CDHR2: variants seen among roughly 807,000 people sequenced by gnomAD.
The protein encoded by CDHR2 is cadherin-related family member 2.
In CDHR2, 104 loss-of-function variants were observed where a neutral mutation model predicts 138.6. The observed-to-expected ratio is 0.75, with a 90% CI of 0.64 to 0.88. CDHR2 has a LOEUF of 0.88. CDHR2 is among the 40% of genes least tolerant of loss of function. CDHR2 has a pLI of 0.00. For synonymous variants in CDHR2, 755 were observed against 742.8 expected (o/e 1.02, Z -0.27); for missense variants, 1,624 against 1,727.6 (o/e 0.94, Z 1.06).
At chr5:176,548,051 C>T (rs932186745), upstream of CDHR2, among the ~76,000 whole-genome samples, 15 of 152,284 alleles carry the variant, frequency 9.9e-5, no homozygotes, top group African/African-American at 3.1e-4. Context: ...TCTATACCAC[C>T]GCCTGTGCTC....
intron 1 of CDHR2, among the ~76,000 whole-genome samples, chr5:176,563,777 G>A (rs1390314341): frequency 6.6e-6 from 1 of 152,194 alleles, no homozygotes; most frequent in Non-Finnish European, 1.5e-5. Context: ...GCCACAAGTG[G>A]GGCCGTTTAG....
Position 176,581,608 on chromosome 5 carries a change from G to C in CDHR2, c.2058+26G>C, listed in dbSNP as rs755751105. ...GTAAGGCCTCGCTTAGCCAGGATGG[G>C]CCTGGGGGCCTCCCAAGCCGATAGC... On this transcript the variant is annotated intron_variant, in intron 17 of 31. Coordinates refer to ENST00000261944, the MANE Select transcript of CDHR2 (RefSeq NM_017675.6). 8.7e-6 allele frequency: 14 copies of C among 1,600,246 alleles called. No individual in the cohort carries two copies. The South Asian group carries it at 1.2e-4, about 14-fold the overall frequency.
chr5:176,551,487 CTTTAT>C (rs768198660), intron 1 of CDHR2, among the ~76,000 whole-genome samples: 1 of 151,866 alleles, frequency 6.6e-6, no homozygotes, highest in Non-Finnish European at 1.5e-5. Flanking sequence ...TTTTAAATTA[CTTTAT>C]TTTATTTTTA....
rs1758527864 is a variant in CDHR2 at position 176,581,456 on chromosome 5, C to A, written c.1932C>A (p.Asn644Lys). 6.2e-7 allele frequency: 1 copy of A among 1,614,090 alleles called. No homozygotes were observed. Among genetic ancestry groups the A allele is most frequent in the Admixed American group, 1.7e-5 (1 of 60,008 alleles). ...SLDPDTGLLR[N>K]LGPLDREAID... is the part of the protein sequence containing the mutation. ...ACCCTGACACAGGGCTCCTCAGAAA[C>A]CTGGGGCCCCTGGACAGAGAGGCCA... Residue 644 changes from asparagine to lysine, a missense_variant, in exon 17 of 32, where the codon AAC (asparagine) becomes AAA (lysine). Transcript: ENST00000261944.
At chr5:176,590,746 T>C (rs1758824892) in intron 28 of CDHR2, 59 bp downstream of exon 28, 1 of 1,608,500 alleles carries the variant, frequency 6.2e-7, no homozygotes, top group Non-Finnish European at 8.5e-7. Flanking sequence ...ACCCAAGACG[T>C]CGGGGGGTAG....
Position 176,595,633 on chromosome 5 carries a change from A to C in CDHR2, c.3894A>C (p.Pro1298=), listed in dbSNP as rs772165277. ...QAGASGQLEG[P]SYTNAGLDTT... The stretch of plus-strand genomic sequence containing the variant: ...GCGCAAGTGGACAGCTGGAGGGGCC[A>C]TCCTACACCAACGCTGGCCTGGACA... The change falls in exon 32 of 32, where the codon CCA becomes CCC. Residue 1298 remains proline (P), a synonymous_variant. Transcript: ENST00000261944. 34 of 1,610,938 alleles carry C rather than the reference A, an allele frequency of 2.1e-5. No homozygotes were observed. The highest frequency in any genetic ancestry group is 2.8e-5 in the Non-Finnish European group (33 of 1,178,456).
Position 176,584,692 on chromosome 5 carries a change from A to T in CDHR2, c.2411A>T (p.Asn804Ile), listed in dbSNP as rs1758614092. The change falls in exon 19 of 32, where the codon AAT (asparagine) becomes ATT (isoleucine). Residue 804 changes from asparagine (N) to isoleucine (I), a missense_variant. This residue lies in a region of CDHR2 where 1,061 missense variants were observed against 1,136.6 expected (regional missense o/e 0.93). Transcript: ENST00000261944. ...VCVNVKDVND[N>I]PPTLDVASLR... ...GTGAATGTGAAAGACGTGAACGACA[A>T]TCCCCCCACCCTGGATGTAGCCTCA... The T allele has an allele frequency of 1.2e-6, 2 of 1,613,686 alleles. No homozygotes were observed. The highest frequency in any genetic ancestry group is 1.7e-6 in the Non-Finnish European group (2 of 1,179,764).
rs1326486171 is a variant in CDHR2, at chr5:176,590,339, G to C, written c.3353+9G>C. ...CTTGATGAGCTGAGTGTGTGAGTGGGGCTGCCCTTGGGGCAGGTGTGAGGG... is the reference window on the plus strand; with the variant it reads ...CTTGATGAGCTGAGTGTGTGAGTGGCGCTGCCCTTGGGGCAGGTGTGAGGG... On this transcript the variant is annotated intron_variant, in intron 26 of 31. Coordinates refer to ENST00000261944, the MANE Select transcript of CDHR2 (RefSeq NM_017675.6). 11 of 1,614,082 alleles carry C rather than the reference G, an allele frequency of 6.8e-6. No individual in the cohort carries two copies. The highest frequency in any genetic ancestry group is 1.7e-5 in the Admixed American group (1 of 60,004).
intron 17 of CDHR2, 51 bp from the exon 18 acceptor site, chr5:176,584,139 T>C: frequency 6.6e-7 from 1 of 1,504,206 alleles, no homozygotes; most frequent in Non-Finnish European, 9.3e-7. Flanking sequence ...GGATTGGCTC[T>C]GGGGAGGGTG....
rs377054354 is a variant in CDHR2 at position 176,591,217 on chromosome 5, C to T, written c.3547C>T (p.Arg1183Trp). Residue 1183 changes from arginine (R) to tryptophan (W), a missense_variant, in exon 29 of 32, where the codon CGG becomes TGG. Transcript: ENST00000261944. ...TCTTCCGGTTCCCCACAGCTACAAC[C>T]GGAAGCTTCAAGCTATGAAGGCTGC... is the stretch of plus-strand genomic sequence containing the variant. The part of the protein sequence containing the change: ...AFVCVRKSYN[R>W]KLQAMKAAKE... 2.9e-5 allele frequency: 47 copies of T among 1,612,510 alleles called. No homozygotes were observed. Among genetic ancestry groups the T allele is most frequent in the Middle Eastern group, 1.6e-4 (1 of 6,084 alleles).
At position 176,595,539 on chromosome 5, in the gene CDHR2, G is replaced by A. The variant is rs1759006242; in HGVS notation, c.3800G>A (p.Arg1267Lys). Residue 1267 changes from arginine (R) to lysine (K), a missense_variant, in exon 32 of 32, where the codon AGG (arginine) becomes AAG (lysine). Physicochemically the swap from Arg to Lys is conservative, Grantham distance 26 (BLOSUM62 2). Transcript: ENST00000261944. ...DKNSQEIKEH[R>K]PPHTPPEPDP... ...CTCTCCCTCTCCCTGCAGGAGCACA[G>A]GCCACCACACACACCACCAGAGCCA... 6.2e-7 allele frequency: 1 copy of A among 1,600,134 alleles called. No individual in the cohort carries two copies. The highest frequency in any genetic ancestry group is 1.3e-5 in the African/African-American group (1 of 74,342).
At chr5:176,581,307 C>T (rs761708495) in intron 16 of CDHR2, 36 bp from the exon 17 acceptor site, 9 of 1,606,538 alleles carry the variant, frequency 5.6e-6, no homozygotes, top group South Asian at 3.3e-5. Flanking sequence ...CTGGGAATGC[C>T]GATGGCCGAT....
chr5:176,570,866 G>A (rs1161448039), intron 5 of CDHR2, among the ~76,000 whole-genome samples: 1 of 151,574 alleles, frequency 6.6e-6, no homozygotes, highest in Non-Finnish European at 1.5e-5. Flanking sequence ...CAGGAGAATT[G>A]CTTGAACCTG....
chr5:176,565,362 C>G lies in CDHR2; in HGVS notation c.10C>G (p.Leu4Val), dbSNP rs780040249. Residue 4 changes from leucine to valine, a missense_variant, in exon 2 of 32, where the codon CTA (leucine) becomes GTA (valine). Physicochemically the swap from Leu to Val is conservative, Grantham distance 32 (BLOSUM62 1). Coordinates refer to ENST00000261944, the MANE Select transcript of CDHR2 (RefSeq NM_017675.6). Reference protein sequence around the residue: MAQLWLSCFLLPAL... With the variant: MAQVWLSCFLLPAL... ...GGTCCCTGCGGATGTGATGGCCCAG[C>G]TATGGCTGTCCTGCTTCCTCCTTCC... 11 of 1,613,994 alleles carry G rather than the reference C, an allele frequency of 6.8e-6. No homozygotes were observed. In the African/African-American group the frequency reaches 1.5e-4, roughly 22 times the overall value.
At chr5:176,564,536 C>T (rs1291177976) in intron 1 of CDHR2, among the ~76,000 whole-genome samples, 1 of 152,200 alleles carries the variant, frequency 6.6e-6, no homozygotes, top group East Asian at 1.9e-4. Context: ...CTCTCTGTGA[C>T]AGTGAATCAA....
At chr5:176,572,898 G>A (rs1376130455) in intron 6 of CDHR2, among the ~76,000 whole-genome samples, 2 of 152,244 alleles carry the variant, frequency 1.3e-5, no homozygotes, top group Non-Finnish European at 2.9e-5. Context: ...GAAGGCCACA[G>A]ACAGGAACCA....
upstream of CDHR2, among the ~76,000 whole-genome samples, chr5:176,545,602 G>A (rs113480922): frequency 1.7e-3 from 253 of 152,316 alleles, no homozygotes; most frequent in Non-Finnish European, 2.7e-3. Context: ...CCTTAGAACA[G>A]GCCTATGAGG....
At chr5:176,552,581 A>C (rs1030162875) in intron 1 of CDHR2, among the ~76,000 whole-genome samples, 1 of 152,204 alleles carries the variant, frequency 6.6e-6, no homozygotes, top group African/African-American at 2.4e-5. Context: ...AAGGCTTAGC[A>C]TTGGGGCAGG....
intron 5 of CDHR2, among the ~76,000 whole-genome samples, chr5:176,570,783 C>A (rs1484038235): frequency 6.6e-6 from 1 of 152,098 alleles, no homozygotes; most frequent in African/African-American, 2.4e-5. Context: ...AAAACCCCAT[C>A]TTTACTAAAT....
Sources: gnomAD v4.1 joint callset for allele counts (sites outside exome capture counted in the v4.1 genomes callset) on GRCh38, gnomAD v4.1.1 for gene constraint, gnomAD v4.1.1 regional missense constraint, MANE v1.5 for transcripts, NCBI Gene and HGNC (gene_info 2026-07-23, HGNC 2026-07-21) for gene names.